The following TAAR5 variants were observed in gnomAD, a reference collection of about 807,000 sequenced individuals.
TAAR5 encodes trace amine associated receptor 5.
A neutral mutation model predicts 21.1 loss-of-function variants in TAAR5; 27 were observed. The observed-to-expected ratio is 1.28, with a 90% CI of 0.94 to 1.76. TAAR5 has a LOEUF of 1.76. Among genes scored for constraint, TAAR5 ranks in the 40% most tolerant of loss-of-function variants. The pLI is 0.00. For missense variants in TAAR5, 495 were observed against 405.6 expected (o/e 1.22, Z -1.89); for synonymous variants, 203 against 167.5 (o/e 1.21, Z -1.64).
At position 132,589,452 on chromosome 6, in the gene TAAR5, C is replaced by G; in HGVS notation, c.235G>C (p.Ala79Pro). The change falls in exon 1 of 1, where the codon GCT (alanine) becomes CCT (proline). Residue 79 changes from alanine to proline, a missense_variant. Transcript: ENST00000258034. ...TNFLLLSLAL[A>P]DMFLGLLVLP... ...ACCAGCAGACCCAGAAACATGTCAGCCAGGGCCAGGGAGAGCAGCAGGAAG... is the reference window on the plus strand; with the variant it reads ...ACCAGCAGACCCAGAAACATGTCAGGCAGGGCCAGGGAGAGCAGCAGGAAG... The G allele has an allele frequency of 4.3e-6, 7 of 1,613,792 alleles. No homozygotes were observed. Among genetic ancestry groups the G allele is most frequent in the Non-Finnish European group, 5.9e-6 (7 of 1,179,830 alleles).
At chr6:132,591,434 T>A (rs1200006628), upstream of TAAR5, among the ~76,000 whole-genome samples, 4 of 152,148 alleles carry the variant, frequency 2.6e-5, no homozygotes, top group Admixed American at 2.0e-4. Flanking sequence ...GGTATGCACC[T>A]CTCCTTTCTC....
At chr6:132,607,960 A>G in the TAAR5 span, among the ~76,000 whole-genome samples, 1 of 151,718 alleles carries the variant, frequency 6.6e-6, no homozygotes, top group Non-Finnish European at 1.5e-5. Context: ...ATCTAGGCCA[A>G]CCTAGTCTGA....
At chr6:132,597,815 C>T in the TAAR5 span, among the ~76,000 whole-genome samples, 7 of 152,036 alleles carry the variant, frequency 4.6e-5, no homozygotes, top group Non-Finnish European at 7.4e-5. Flanking sequence ...ATAGCTTTTT[C>T]GTTCAAATGT....
the TAAR5 span, among the ~76,000 whole-genome samples, chr6:132,611,212 A>T: frequency 3.5e-5 from 4 of 115,618 alleles, no homozygotes; most frequent in African/African-American, 9.9e-5. Context: ...GGAGCTAAAA[A>T]AAAGAAAAAA....
At position 132,588,881 on chromosome 6, in the gene TAAR5, G is replaced by T. The variant is rs749696659; in HGVS notation, c.806C>A (p.Thr269Asn). ...GIYLLCWLPF[T>N]IDTMVDSLLH... Reference sequence around the variant, plus strand: ...GAGGCTGTCGACCATCGTGTCTATGGTGAAGGGCAGCCAGCACAAGAGGTA... The same window carrying T: ...GAGGCTGTCGACCATCGTGTCTATGTTGAAGGGCAGCCAGCACAAGAGGTA... The change falls in exon 1 of 1, where the codon ACC becomes AAC. Residue 269 changes from threonine (T) to asparagine (N), a missense_variant. Coordinates refer to ENST00000258034, the MANE Select transcript of TAAR5 (RefSeq NM_003967.3). The T allele has an allele frequency of 1.2e-6, 2 of 1,613,958 alleles. No individual in the cohort carries two copies. Among genetic ancestry groups the T allele is most frequent in the Non-Finnish European group, 1.7e-6 (2 of 1,179,998 alleles).
chr6:132,598,679 C>CT, the TAAR5 span, among the ~76,000 whole-genome samples: 1 of 152,196 alleles, frequency 6.6e-6, no homozygotes, highest in Non-Finnish European at 1.5e-5. Flanking sequence ...ACCCGTGTGT[C>CT]TTTTCACAAC....
At chr6:132,606,238 C>A in the TAAR5 span, among the ~76,000 whole-genome samples, 1 of 152,276 alleles carries the variant, frequency 6.6e-6, no homozygotes, top group East Asian at 1.9e-4. Context: ...CCTGATCATG[C>A]ATTTCCTGAT....
rs1477560273 is a variant in TAAR5, at chr6:132,589,318, G to C, written c.369C>G (p.Phe123Leu). ...GGTCAATGGAAATGAAACAGAGATG[G>C]AAGATGGAGGTGAGGCAGAAGAGGG... ...LDTLFCLTSIFHLCFISIDRH... is the reference protein window; with the variant it reads ...LDTLFCLTSILHLCFISIDRH... Residue 123 changes from phenylalanine (F) to leucine (L), a missense_variant, in exon 1 of 1, where the codon TTC (phenylalanine) becomes TTG (leucine). Transcript: ENST00000258034. 3 of 1,613,658 alleles carry C rather than the reference G, an allele frequency of 1.9e-6. No individual in the cohort carries two copies. The highest frequency in any genetic ancestry group is 2.7e-5 in the African/African-American group (2 of 74,886).
chr6:132,590,683 C>T (rs973325694), upstream of TAAR5, among the ~76,000 whole-genome samples: 24 of 152,152 alleles, frequency 1.6e-4, no homozygotes, highest in Admixed American at 1.3e-4. Context: ...CACCATGGGA[C>T]CTAGTTTGCA....
chr6:132,615,584 G>A, the TAAR5 span, among the ~76,000 whole-genome samples: 13 of 151,828 alleles, frequency 8.6e-5, no homozygotes, highest in East Asian at 3.9e-4. Flanking sequence ...CAAAATTCTC[G>A]GTGTTGAGGA....
chr6:132,600,986 AAG>A, the TAAR5 span, among the ~76,000 whole-genome samples: 4 of 139,878 alleles, frequency 2.9e-5, no homozygotes, highest in African/African-American at 8.2e-5. Flanking sequence ...GGAAAGAAGG[AAG>A]GAAGGAGGGA....
chr6:132,589,536 C>T lies in TAAR5; in HGVS notation c.151G>A (p.Gly51Arg). Residue 51 changes from glycine (G) to arginine (R), a missense_variant, in exon 1 of 1, where the codon GGG (glycine) becomes AGG (arginine). Coordinates refer to ENST00000258034, the MANE Select transcript of TAAR5 (RefSeq NM_003967.3). ...CAAGMLIIVL[G>R]NVFVAFAVSY... ...ACAGCAAATGCCACAAATACATTCC[C>T]TAGCACGATAATCAGCATGCCTGCT... 1.9e-6 allele frequency: 3 copies of T among 1,613,950 alleles called. No homozygotes were observed. Among genetic ancestry groups the T allele is most frequent in the Non-Finnish European group, 2.5e-6 (3 of 1,179,960 alleles).
At chr6:132,592,795 C>A (rs1236304154), upstream of TAAR5, among the ~76,000 whole-genome samples, 3 of 152,172 alleles carry the variant, frequency 2.0e-5, no homozygotes, top group Admixed American at 2.0e-4. Context: ...GAACCATAAG[C>A]CAGTTAACTT....
chr6:132,613,315 T>C, the TAAR5 span, among the ~76,000 whole-genome samples: 1 of 152,198 alleles, frequency 6.6e-6, no homozygotes, highest in Admixed American at 6.5e-5. Context: ...TCATAACCTG[T>C]TTATACGTTC....
chr6:132,616,720 T>A, the TAAR5 span, among the ~76,000 whole-genome samples: 1 of 152,220 alleles, frequency 6.6e-6, no homozygotes, highest in Non-Finnish European at 1.5e-5. Flanking sequence ...TAGTTGCTGA[T>A]GCTTCAAAGT....
chr6:132,588,771 CAT>C lies in TAAR5; in HGVS notation c.914_915del (p.Tyr305CysfsTer28). The C allele has an allele frequency of 6.2e-7, 1 of 1,614,020 alleles. No individual in the cohort carries two copies. The highest frequency in any genetic ancestry group is 8.5e-7 in the Non-Finnish European group (1 of 1,179,982). On this transcript the variant is annotated frameshift_variant, in exon 1 of 1. Coordinates refer to ENST00000258034, the MANE Select transcript of TAAR5 (RefSeq NM_003967.3). LOFTEE classifies it high-confidence loss of function. Reference protein sequence around the residue: ...YFNSACNPIIYVFSYQWFRKA... With the variant: ...YFNSACNPIIXVFSYQWFRKA... ...TTCCGAAACCACTGGTAGGAAAAGA[CAT>C]AGATGATGGGGTTGCAGGCTGAGTT...
upstream of TAAR5, among the ~76,000 whole-genome samples, chr6:132,591,437 C>A (rs74989628): frequency 6.6e-6 from 1 of 152,158 alleles, no homozygotes; most frequent in Non-Finnish European, 1.5e-5. Flanking sequence ...ATGCACCTCT[C>A]CTTTCTCTAC....
the TAAR5 span, among the ~76,000 whole-genome samples, chr6:132,598,060 A>G: frequency 6.6e-6 from 1 of 152,188 alleles, no homozygotes; most frequent in East Asian, 1.9e-4. Flanking sequence ...AATGGAAAAA[A>G]TTAGGGGAGG....
upstream of TAAR5, among the ~76,000 whole-genome samples, chr6:132,593,318 C>CA (rs1776932690): frequency 6.6e-6 from 1 of 152,158 alleles, no homozygotes; most frequent in Non-Finnish European, 1.5e-5. Context: ...CCTATGAAGT[C>CA]AAAATTCCCT....
Sources: gnomAD v4.1 joint callset for allele counts (sites outside exome capture counted in the v4.1 genomes callset) on GRCh38, gnomAD v4.1.1 for gene constraint, MANE v1.5 for transcripts, NCBI Gene and HGNC (gene_info 2026-07-23, HGNC 2026-07-21) for gene names.